Variants in AKR1C4 observed in about 807,000 individuals in gnomAD.
AKR1C4 encodes the protein aldo-keto reductase family 1 member C4, also known as 3-alpha-HSD1.
Under a neutral mutation model 41.0 loss-of-function variants are expected in AKR1C4, and 44 were observed. The observed-to-expected ratio is 1.07, with a 90% confidence interval of 0.84 to 1.38. AKR1C4 has a LOEUF of 1.38. Among genes scored for constraint, AKR1C4 ranks in the 40% most tolerant of loss-of-function variants. AKR1C4 has a pLI of 0.00. For missense variants in AKR1C4, 438 were observed against 387.9 expected (o/e 1.13, Z -1.09); for synonymous variants, 165 against 137.7 (o/e 1.20, Z -1.39).
Position 5,213,164 on chromosome 10 carries a change from G to C in AKR1C4, c.846+5G>C, listed in dbSNP as rs376186919. 9.9e-6 allele frequency: 16 copies of C among 1,612,724 alleles called. No individual in the cohort carries two copies. The Admixed American group carries it at 1.8e-4, about 18-fold the overall frequency. On this transcript the variant is annotated splice_donor_5th_base_variant and intron_variant, in intron 7 of 8. Transcript: ENST00000263126. ...CGGATCAGAGAGAACATCCAGGTGA[G>C]GAGTTGGGTGGGCATCAGGGCTCCT... is the stretch of plus-strand genomic sequence containing the variant.
rs781987777 is a variant in AKR1C4, at chr10:5,200,376, C to T, written c.252+28C>T. On this transcript the variant is annotated intron_variant, in intron 2 of 8. Transcript: ENST00000263126. ...ACTGTGCCTATGATGAGCATGTATGCACATGTGTTTAATGGGATTGTGTGG... is the reference window on the plus strand; with the variant it reads ...ACTGTGCCTATGATGAGCATGTATGTACATGTGTTTAATGGGATTGTGTGG... The T allele has an allele frequency of 2.5e-6, 4 of 1,596,278 alleles. No homozygotes were observed. The South Asian group carries it at 4.6e-5, about 18-fold the overall frequency.
At chr10:5,202,493 A>T (rs1564400730) in intron 2 of AKR1C4, 1 of 451,558 alleles carries the variant, frequency 2.2e-6, no homozygotes, top group Non-Finnish European at 4.4e-6. Context: ...GATTCCCTTT[A>T]TTTTTTTTAC....
Position 5,210,697 on chromosome 10 carries a change from C to T in AKR1C4, c.571-1919C>T, listed in dbSNP as rs183870418. Reference sequence around the variant, plus strand: ...CGCTATCTCAGCTCACTGCAACCTCCGCCTCCCAGGTTCAAGTGATTATCC... The same window carrying T: ...CGCTATCTCAGCTCACTGCAACCTCTGCCTCCCAGGTTCAAGTGATTATCC... On this transcript the variant is annotated intron_variant, in intron 5 of 8. Transcript: ENST00000263126. Among the ~76,000 whole-genome samples the T allele has an allele frequency of 5.8e-3, 881 of 152,176 alleles. 23 individuals carry two copies. Among genetic ancestry groups the T allele is most frequent in the Admixed American group, 0.035 (539 of 15,286 alleles).
chr10:5,205,616 G>A (rs977841858), intron 3 of AKR1C4, 141 bp from the exon 4 acceptor site: 11 of 548,746 alleles, frequency 2.0e-5, no homozygotes, highest in East Asian at 1.9e-4. Context: ...AACTCTGTAC[G>A]TGAAACACTT....
intron 5 of AKR1C4, among the ~76,000 whole-genome samples, chr10:5,211,811 A>G (rs1832579363): frequency 6.6e-6 from 1 of 152,220 alleles, no homozygotes; most frequent in Non-Finnish European, 1.5e-5. Context: ...TAATGGACTT[A>G]CAGCTTCACA....
In AKR1C4 at chr10:5,203,514, G is replaced by A. The variant is rs1832434573; in HGVS notation, c.253-863G>A. 2.0e-5 allele frequency among the ~76,000 whole-genome samples: 3 copies of A among 152,284 alleles called. No individual in the cohort carries two copies. The South Asian group carries it at 6.2e-4, about 32-fold the overall frequency. On this transcript the variant is annotated intron_variant, in intron 2 of 8. Transcript: ENST00000263126. ...GCCTTACCCATGGCCTGAATTCTCA[G>A]ATTCCCTGGTGGGGAAGAGTATTCT...
At chr10:5,206,537 C>T (rs782150099) in intron 5 of AKR1C4, 140 bp downstream of exon 5, 46 of 1,454,614 alleles carry the variant, frequency 3.2e-5, no homozygotes, top group Middle Eastern at 1.8e-4. Flanking sequence ...TAGAAGAAAA[C>T]GGAAGACCCT....
intron 8 of AKR1C4, among the ~76,000 whole-genome samples, 184 bp from the exon 9 acceptor site, chr10:5,218,531 TTTC>T (rs1233266157): frequency 5.3e-5 from 5 of 94,778 alleles, no homozygotes; most frequent in African/African-American, 2.0e-4. Flanking sequence ...AGTTGAAAAT[TTTC>T]TTATTTTGAA....
At chr10:5,207,664 A>G (rs1483947704) in intron 5 of AKR1C4, 12 of 1,016,866 alleles carry the variant, frequency 1.2e-5, no homozygotes, top group South Asian at 7.5e-5. Flanking sequence ...CTGTGCAATC[A>G]TAGGACATGA....
chr10:5,200,120 C>G, intron 1 of AKR1C4, 61 bp from the exon 2 acceptor site: 1 of 1,561,090 alleles, frequency 6.4e-7, no homozygotes. Context: ...GGGAACTTTT[C>G]CTGTTTCACT....
At chr10:5,198,017 A>G (rs1554796494) in intron 1 of AKR1C4, among the ~76,000 whole-genome samples, 10 of 152,222 alleles carry the variant, frequency 6.6e-5, no homozygotes. Flanking sequence ...ATTAAAATAG[A>G]AAATTGTTTC....
chr10:5,213,646 A>G (rs1174441488), intron 7 of AKR1C4, among the ~76,000 whole-genome samples: 1 of 152,196 alleles, frequency 6.6e-6, no homozygotes, highest in East Asian at 1.9e-4. Flanking sequence ...CTTATTAAAG[A>G]AAACCTCTCA....
intron 1 of AKR1C4, among the ~76,000 whole-genome samples, chr10:5,197,881 C>A (rs759945619): frequency 6.6e-6 from 1 of 152,138 alleles, no homozygotes; most frequent in Non-Finnish European, 1.5e-5. Flanking sequence ...AAGCTCTAGC[C>A]TTGGTAAACC....
chr10:5,196,866 C>A lies in AKR1C4; in HGVS notation c.-2C>A. 1.2e-6 allele frequency: 2 copies of A among 1,614,038 alleles called. No individual in the cohort carries two copies. The highest frequency in any genetic ancestry group is 1.7e-6 in the Non-Finnish European group (2 of 1,179,906). ...TCTGCTTAGTGAAAGAAGTGGCAAG[C>A]AATGGATCCCAAATATCAGCGTGTA... On this transcript the variant is annotated 5_prime_UTR_variant, in exon 1 of 9. Coordinates refer to ENST00000263126, the MANE Select transcript of AKR1C4 (RefSeq NM_001818.5).
chr10:5,198,427 G>A (rs1475488199), intron 1 of AKR1C4, among the ~76,000 whole-genome samples: 1 of 152,162 alleles, frequency 6.6e-6, no homozygotes, highest in Non-Finnish European at 1.5e-5. Flanking sequence ...GTTGTACAAA[G>A]TGTGGGGTTT....
rs782482239 is a variant in AKR1C4, at chr10:5,212,735, G to A, written c.680+10G>A. 2.5e-6 allele frequency: 4 copies of A among 1,601,220 alleles called. No individual in the cohort carries two copies. Among genetic ancestry groups the A allele is most frequent in the South Asian group, 1.1e-5 (1 of 89,092 alleles). On this transcript the variant is annotated intron_variant, in intron 6 of 8. Transcript: ENST00000263126. The stretch of plus-strand genomic sequence containing the variant: ...AACGACATAAACTATGGTAATAAGA[G>A]CATCAGGAAGTTTACCTAAAATGCC...
chr10:5,197,254 C>A (rs1832325647), intron 1 of AKR1C4, among the ~76,000 whole-genome samples: 1 of 152,210 alleles, frequency 6.6e-6, no homozygotes, highest in Admixed American at 6.5e-5. Flanking sequence ...CACTGCCTGG[C>A]AGTTCCCTTT....
At chr10:5,217,774 A>G (rs1306967634) in intron 8 of AKR1C4, among the ~76,000 whole-genome samples, 2 of 152,126 alleles carry the variant, frequency 1.3e-5, no homozygotes, top group African/African-American at 2.4e-5. Context: ...AAACAAAAAA[A>G]TCAAGGGAAG....
In AKR1C4 at chr10:5,213,061, C is replaced by A; in HGVS notation, c.748C>A (p.Gln250Lys). ...TTGTGCCTTAGCAAAGAAACACAAACAAACCCCAGCCCTGATTGCCCTGCG... is the reference window on the plus strand; with the variant it reads ...TTGTGCCTTAGCAAAGAAACACAAAAAAACCCCAGCCCTGATTGCCCTGCG... Reference protein sequence around the residue: ...VLCALAKKHKQTPALIALRYQ... With the variant: ...VLCALAKKHKKTPALIALRYQ... Residue 250 changes from glutamine to lysine, a missense_variant, in exon 7 of 9, where the codon CAA (glutamine) becomes AAA (lysine). By Grantham distance (53) the Gln-to-Lys change is moderately conservative. Transcript: ENST00000263126. The A allele has an allele frequency of 6.2e-7, 1 of 1,614,112 alleles. No individual in the cohort carries two copies. Among genetic ancestry groups the A allele is most frequent in the Non-Finnish European group, 8.5e-7 (1 of 1,180,014 alleles).
Sources: allele counts gnomAD v4.1 joint callset (sites outside exome capture counted in the v4.1 genomes callset), GRCh38; gene constraint gnomAD v4.1.1; transcripts MANE v1.5; gene names NCBI Gene and HGNC (gene_info 2026-07-23, HGNC 2026-07-21).